EPHA6: variants seen among roughly 807,000 people sequenced by gnomAD.
EPHA6 encodes the protein EPH receptor A6, also known as ephrin type-A receptor 6.
In EPHA6, 50 loss-of-function variants were observed where a neutral mutation model predicts 112.0. The observed-to-expected ratio is 0.45, with a 90% CI of 0.36 to 0.56. The LOEUF (loss-of-function observed/expected upper bound fraction) is 0.56. Among genes scored for constraint, EPHA6 ranks in the 20% least tolerant of loss-of-function variants. The pLI, the probability that EPHA6 is intolerant of heterozygous loss-of-function variation, is 0.00. For missense variants in EPHA6, 1,280 were observed against 1,417.4 expected (o/e 0.90, Z 1.56); for synonymous variants, 529 against 490.7 (o/e 1.08, Z -1.03).
intron 2 of EPHA6, among the ~76,000 whole-genome samples, chr3:96,970,613 T>C (rs1189608767): frequency 6.6e-6 from 1 of 152,086 alleles, no homozygotes; most frequent in Non-Finnish European, 1.5e-5. Context: ...ATTTGTATAT[T>C]TAACAACTAT....
In EPHA6 at chr3:97,198,508, C is replaced by T. The variant is rs141785077; in HGVS notation, c.1115-27756C>T. On this transcript the variant is annotated intron_variant, in intron 3 of 17. Transcript: ENST00000389672. ...ACAGACTCCACTTTTTTTGAGTCCA[C>T]GCAGACTGTGGCATACAAGCACTCT... Among the ~76,000 whole-genome samples, 525 of 138,158 alleles carry T rather than the reference C, an allele frequency of 3.8e-3. 4 individuals are homozygous for T. Among genetic ancestry groups the T allele is most frequent in the African/African-American group, 0.014 (469 of 32,910 alleles). The allele number at this position is 138,158 out of a possible 152,430, so 90.6% of individuals were successfully genotyped here.
At chr3:97,013,203 T>A (rs2044151160) in intron 3 of EPHA6, among the ~76,000 whole-genome samples, 1 of 152,162 alleles carries the variant, frequency 6.6e-6, no homozygotes, top group Non-Finnish European at 1.5e-5. Context: ...TTTCTTAGAT[T>A]TTCTTCTACG....
rs944887348 is a variant in EPHA6 at position 97,599,917 on chromosome 3, T to C, written c.2512+7180T>C. Among the ~76,000 whole-genome samples the C allele has an allele frequency of 2.9e-3, 436 of 152,290 alleles. 2 individuals are homozygous for C. The highest frequency in any genetic ancestry group is 4.6e-3 in the Non-Finnish European group (312 of 68,020). On this transcript the variant is annotated intron_variant, in intron 12 of 17. Coordinates refer to ENST00000389672, the MANE Select transcript of EPHA6 (RefSeq NM_001080448.3). ...CCCATGAGCATGGAATGTTCTTCCA[T>C]TTGTTTGTATCCTCTTTTATTTCCT... is the stretch of plus-strand genomic sequence containing the variant.
At chr3:96,947,081 G>C (rs1203428778) in intron 2 of EPHA6, among the ~76,000 whole-genome samples, 1 of 151,534 alleles carries the variant, frequency 6.6e-6, no homozygotes, top group African/African-American at 2.4e-5. Flanking sequence ...TGGATATTAG[G>C]CCTTTGTCAG....
chr3:97,415,585 A>G (rs1577310443), intron 6 of EPHA6, among the ~76,000 whole-genome samples: 2 of 152,210 alleles, frequency 1.3e-5, no homozygotes, highest in South Asian at 2.1e-4. Flanking sequence ...TTGACCATAT[A>G]TATCCTTTGA....
At chr3:97,576,243 A>ATGTTT (rs1230906542) in intron 11 of EPHA6, among the ~76,000 whole-genome samples, 8 of 151,952 alleles carry the variant, frequency 5.3e-5, no homozygotes, top group Non-Finnish European at 1.2e-4. Flanking sequence ...ACATCCTATA[A>ATGTTT]AGCTTCAAGA....
intron 5 of EPHA6, among the ~76,000 whole-genome samples, chr3:97,296,097 G>A (rs2080865245): frequency 6.6e-6 from 1 of 152,146 alleles, no homozygotes; most frequent in African/African-American, 2.4e-5. Flanking sequence ...TGGCATGGGT[G>A]GTGGCAGTAG....
chr3:96,973,625 A>G (rs1005358786), intron 2 of EPHA6, among the ~76,000 whole-genome samples: 2 of 151,574 alleles, frequency 1.3e-5, no homozygotes, highest in Non-Finnish European at 2.9e-5. Flanking sequence ...GGAGTTCGAG[A>G]CCAGTTTGGC....
chr3:97,084,116 ATATATAT>A (rs2046817039), intron 3 of EPHA6, among the ~76,000 whole-genome samples: 2 of 119,074 alleles, frequency 1.7e-5, no homozygotes, highest in African/African-American at 6.8e-5. Flanking sequence ...ATATATATAT[ATATATAT>A]GGATATATAT....
intron 11 of EPHA6, among the ~76,000 whole-genome samples, chr3:97,547,469 G>A (rs750879095): frequency 2.1e-4 from 32 of 152,250 alleles, no homozygotes; most frequent in South Asian, 1.9e-3. Flanking sequence ...GTGTCAGTCC[G>A]CCCATACTGG....
intron 3 of EPHA6, among the ~76,000 whole-genome samples, chr3:97,099,847 G>A (rs1367412963): frequency 6.6e-6 from 1 of 151,966 alleles, no homozygotes; most frequent in East Asian, 1.9e-4. Context: ...GACTACTTTG[G>A]ATTATGAAGT....
chr3:97,540,912 AG>A (rs1447012342), intron 11 of EPHA6, among the ~76,000 whole-genome samples: 3 of 152,178 alleles, frequency 2.0e-5, no homozygotes, highest in Non-Finnish European at 2.9e-5. Flanking sequence ...CAAATTGGGA[AG>A]GGCTGTAGAT....
chr3:97,003,069 CAA>C (rs1182917151), intron 3 of EPHA6, among the ~76,000 whole-genome samples: 4 of 151,912 alleles, frequency 2.6e-5, no homozygotes, highest in African/African-American at 9.7e-5. Flanking sequence ...GGAGGAGAAA[CAA>C]TGATCATTTG....
intron 3 of EPHA6, among the ~76,000 whole-genome samples, chr3:97,162,112 G>T (rs1039652024): frequency 2.6e-5 from 4 of 152,168 alleles, no homozygotes; most frequent in African/African-American, 9.7e-5. Flanking sequence ...ATAATCTACT[G>T]TCATTCTCTA....
At chr3:97,227,708 T>C (rs1353722180) in intron 4 of EPHA6, among the ~76,000 whole-genome samples, 5 of 152,154 alleles carry the variant, frequency 3.3e-5, no homozygotes, top group Non-Finnish European at 7.4e-5. Flanking sequence ...AGCAGAAACA[T>C]GCACATGGGC....
At chr3:97,200,596 T>A (rs2077555541) in intron 3 of EPHA6, among the ~76,000 whole-genome samples, 2 of 152,140 alleles carry the variant, frequency 1.3e-5, no homozygotes, top group Non-Finnish European at 2.9e-5. Flanking sequence ...CATTTTTACC[T>A]GTACCGCTTA....
chr3:96,878,682 A>G (rs1160602480), intron 2 of EPHA6, among the ~76,000 whole-genome samples: 1 of 152,044 alleles, frequency 6.6e-6, no homozygotes, highest in Non-Finnish European at 1.5e-5. Flanking sequence ...TGTTATGTCT[A>G]TCTAGATATA....
chr3:97,696,856 G>T (rs1429378845), intron 14 of EPHA6, among the ~76,000 whole-genome samples: 1 of 152,192 alleles, frequency 6.6e-6, no homozygotes, highest in Non-Finnish European at 1.5e-5. Flanking sequence ...AAGACCCACT[G>T]TTGGGAAAGC....
intron 3 of EPHA6, among the ~76,000 whole-genome samples, chr3:97,162,176 T>A (rs1283637759): frequency 6.6e-6 from 1 of 152,172 alleles, no homozygotes; most frequent in East Asian, 1.9e-4. Context: ...GCAGATGTGG[T>A]TGGAATCACC....
Sources: allele counts gnomAD v4.1 joint callset (sites outside exome capture counted in the v4.1 genomes callset), GRCh38; gene constraint gnomAD v4.1.1; transcripts MANE v1.5; gene names NCBI Gene and HGNC (gene_info 2026-07-23, HGNC 2026-07-21).